TSPAN11: variants seen among roughly 807,000 people sequenced by gnomAD.
TSPAN11 encodes tetraspanin-11.
Under a neutral mutation model 32.9 loss-of-function variants are expected in TSPAN11, and 29 were observed. The ratio of observed to expected loss-of-function variants is 0.88; its 90% CI spans 0.66 to 1.20. The LOEUF (loss-of-function observed/expected upper bound fraction) is 1.20. Among genes scored for constraint, TSPAN11 ranks in the 50% most tolerant of loss-of-function variants. TSPAN11 has a pLI of 0.00. For missense variants in TSPAN11, 283 were observed against 329.1 expected, an observed-to-expected ratio of 0.86 and a Z score of 1.08; for synonymous variants, 140 against 141.3, an observed-to-expected ratio of 0.99 and a Z score of 0.07.
chr12:30,935,688 T>A (rs1279196776), intron 1 of TSPAN11, among the ~76,000 whole-genome samples: 1 of 152,230 alleles, frequency 6.6e-6, no homozygotes, highest in African/African-American at 2.4e-5. Flanking sequence ...AGTATTTTTG[T>A]GACCCATTGT....
rs1475459909 is a variant in TSPAN11, at chr12:30,983,129, C to T, written c.681C>T (p.Gly227=). 6.2e-7 allele frequency: 1 copy of T among 1,612,736 alleles called. No individual in the cohort carries two copies. Among genetic ancestry groups the T allele is most frequent in the Non-Finnish European group, 8.5e-7 (1 of 1,179,868 alleles). The change falls in exon 7 of 8, where the codon GGC becomes GGT. Residue 227 remains glycine (G), a synonymous_variant. Coordinates refer to ENST00000546076, the MANE Select transcript of TSPAN11 (RefSeq NM_001370302.1). ...ACCTGCTGCTTATGGGGGCAGTGGG[C>T]ATCGGGGTGGCCTGCCTGCAGGTGA... The part of the protein sequence containing the change: ...ADHLLLMGAV[G]IGVACLQICG...
intron 1 of TSPAN11, among the ~76,000 whole-genome samples, chr12:30,929,462 G>A (rs376593389): frequency 6.6e-6 from 1 of 152,132 alleles, no homozygotes; most frequent in African/African-American, 2.4e-5. Flanking sequence ...GTGAGAACTC[G>A]AACCCATCTA....
At chr12:30,958,793 G>A (rs1264960197) in intron 2 of TSPAN11, among the ~76,000 whole-genome samples, 1 of 152,128 alleles carries the variant, frequency 6.6e-6, no homozygotes, top group Admixed American at 6.5e-5. Flanking sequence ...AGGGGCAGTG[G>A]CAGTGTCAGG....
At chr12:30,982,948 C>A in intron 6 of TSPAN11, 116 bp from the exon 7 acceptor site, 1 of 1,241,874 alleles carries the variant, frequency 8.1e-7, no homozygotes, top group Non-Finnish European at 1.1e-6. Flanking sequence ...AAGGTTGGGT[C>A]CAGCCTGTGA....
the TSPAN11 span, among the ~76,000 whole-genome samples, chr12:31,006,251 G>T: frequency 9.8e-5 from 15 of 152,292 alleles, no homozygotes; most frequent in Admixed American, 7.2e-4. Flanking sequence ...AGGGGATCAG[G>T]CCCCAGCCAA....
intron 7 of TSPAN11, among the ~76,000 whole-genome samples, chr12:30,988,054 G>C (rs1386845471): frequency 6.6e-6 from 1 of 152,208 alleles, no homozygotes; most frequent in Non-Finnish European, 1.5e-5. Flanking sequence ...GCACTTGATC[G>C]GCAGAGGCCC....
Position 30,994,955 on chromosome 12 carries a change from A to C in TSPAN11, c.*3040A>C, listed in dbSNP as rs1939388188. The C allele has an allele frequency of 1.3e-5, 2 of 152,152 alleles. No individual in the cohort carries two copies. Among genetic ancestry groups the C allele is most frequent in the South Asian group, 4.1e-4 (2 of 4,826 alleles). 9.4% of individuals were successfully genotyped at this position (152,152 alleles called of 1,614,324 possible). ...CAGTGTCCCCCAGTTCTCCATCTCC[A>C]TAAGGAGCCATCAGGCTGTCATTAA... On this transcript the variant is annotated 3_prime_UTR_variant, in exon 8 of 8. Coordinates refer to ENST00000546076, the MANE Select transcript of TSPAN11 (RefSeq NM_001370302.1).
chr12:30,977,456 C>T (rs1394322707), intron 3 of TSPAN11, among the ~76,000 whole-genome samples: 2 of 152,126 alleles, frequency 1.3e-5, no homozygotes, highest in African/African-American at 2.4e-5. Context: ...GGGCAGTGCC[C>T]GGGGGCAGCC....
chr12:30,956,802 G>C (rs1389490780), intron 2 of TSPAN11, among the ~76,000 whole-genome samples: 1 of 152,228 alleles, frequency 6.6e-6, no homozygotes, highest in Non-Finnish European at 1.5e-5. Context: ...CTGCTTGGCT[G>C]TGTTAATAAT....
intron 2 of TSPAN11, 107 bp from the exon 3 acceptor site, chr12:30,963,719 T>C: frequency 3.2e-6 from 4 of 1,231,992 alleles, no homozygotes; most frequent in Non-Finnish European, 4.5e-6. Flanking sequence ...TTTGGAGGAC[T>C]GAATGAGCCA....
At chr12:30,978,380 G>C (rs1461611779) in intron 3 of TSPAN11, 181 bp from the exon 4 acceptor site, 1 of 630,648 alleles carries the variant, frequency 1.6e-6, no homozygotes, top group African/African-American at 1.8e-5. Flanking sequence ...AGACCAAAGA[G>C]GGAAGGAGTA....
chr12:30,938,440 C>A (rs1938090573), intron 1 of TSPAN11, among the ~76,000 whole-genome samples: 1 of 152,200 alleles, frequency 6.6e-6, no homozygotes, highest in African/African-American at 2.4e-5. Flanking sequence ...AAGGAAGGCA[C>A]CCAGGCTGGG....
In TSPAN11 at chr12:30,995,203, C is replaced by T. The variant is rs1638334541; in HGVS notation, c.*3288C>T. On this transcript the variant is annotated 3_prime_UTR_variant, in exon 8 of 8. Transcript: ENST00000546076. ...CAAAGCAAGAGCAGGGACTGTCCCT[C>T]AGCCCTCAGGGCCTTCATGCAGGGT... 6.6e-6 allele frequency: 1 copy of T among 152,496 alleles called. No homozygotes were observed. The highest frequency in any genetic ancestry group is 6.5e-5 in the Admixed American group (1 of 15,292). 9.4% of individuals were successfully genotyped at this position (152,496 alleles called of 1,614,324 possible).
At chr12:30,947,912 G>A (rs751763931) in intron 1 of TSPAN11, among the ~76,000 whole-genome samples, 6 of 152,170 alleles carry the variant, frequency 3.9e-5, no homozygotes, top group Non-Finnish European at 8.8e-5. Flanking sequence ...TTCCGCCTAT[G>A]AGCCTGTAAA....
At chr12:31,000,964 G>C (rs1939472211), downstream of TSPAN11, among the ~76,000 whole-genome samples, 1 of 152,062 alleles carries the variant, frequency 6.6e-6, no homozygotes, top group African/African-American at 2.4e-5. Context: ...AGATCTGCTG[G>C]CTTTGTCTCC....
chr12:31,012,615 A>G, the TSPAN11 span: 1 of 152,210 alleles, frequency 6.6e-6, no homozygotes. Flanking sequence ...CAGGAAGGAT[A>G]TCCTTGGCTT....
At chr12:30,959,959 C>T in intron 2 of TSPAN11, among the ~76,000 whole-genome samples, 1 of 149,718 alleles carries the variant, frequency 6.7e-6, no homozygotes, top group East Asian at 1.9e-4. Context: ...CTTGGGGGAT[C>T]AGCCTGTGGG....
intron 7 of TSPAN11, 66 bp from the exon 8 acceptor site, chr12:30,991,790 C>G: frequency 6.3e-7 from 1 of 1,581,694 alleles, no homozygotes; most frequent in Non-Finnish European, 8.7e-7. Flanking sequence ...GCTCCAGGGC[C>G]CTGAGGGCCG....
intron 3 of TSPAN11, among the ~76,000 whole-genome samples, chr12:30,970,596 C>A (rs188163961): frequency 6.6e-6 from 1 of 152,168 alleles, no homozygotes; most frequent in Non-Finnish European, 1.5e-5. Flanking sequence ...CTAGCCCTGG[C>A]CCCCTTTTCT....
Sources: allele counts gnomAD v4.1 joint callset (sites outside exome capture counted in the v4.1 genomes callset), GRCh38; gene constraint gnomAD v4.1.1; transcripts MANE v1.5; gene names NCBI Gene and HGNC (gene_info 2026-07-23, HGNC 2026-07-21).